TP53BP2: variants seen among roughly 807,000 people sequenced by gnomAD.
TP53BP2 encodes the protein tumor protein p53 binding protein 2, also known as apoptosis-stimulating of p53 protein 2.
In TP53BP2, 62 loss-of-function variants were observed where a neutral mutation model predicts 126.2. The observed-to-expected ratio is 0.49, with a 90% CI of 0.40 to 0.61. The LOEUF (loss-of-function observed/expected upper bound fraction) is 0.61. Among genes scored for constraint, TP53BP2 ranks in the 20% least tolerant of loss-of-function variants. The probability of loss-of-function intolerance (pLI) is 0.00; values close to 1 mark genes in which losing one functional copy is unlikely to be tolerated. For synonymous variants in TP53BP2, 485 were observed against 502.9 expected (o/e 0.96, Z 0.48); for missense variants, 1,215 against 1,402.8 (o/e 0.87, Z 2.14).
chr1:223,792,276 C>T (rs1662178704), intron 15 of TP53BP2, 113 bp downstream of exon 15: 5 of 1,188,034 alleles, frequency 4.2e-6, no homozygotes, highest in Non-Finnish European at 3.5e-6. Flanking sequence ...AGATTACAAG[C>T]AGCTCAAGGA....
Position 223,795,906 on chromosome 1 carries a change from G to A in TP53BP2, c.2633C>T (p.Pro878Leu), listed in dbSNP as rs1190490521. 2 of 1,613,506 alleles carry A rather than the reference G, an allele frequency of 1.2e-6. No individual in the cohort carries two copies. Among genetic ancestry groups the A allele is most frequent in the Non-Finnish European group, 1.7e-6 (2 of 1,179,762 alleles). ...YLEEYPPYPPPPYPSGEPEGP... is the reference protein window; with the variant it reads ...YLEEYPPYPPLPYPSGEPEGP... ...TTCAGGCTCCCCAGATGGGTATGGTGGGGGTGGGTATGGAGGGTACTCCTC... is the reference window on the plus strand; with the variant it reads ...TTCAGGCTCCCCAGATGGGTATGGTAGGGGTGGGTATGGAGGGTACTCCTC... Residue 878 changes from proline (P) to leucine (L), a missense_variant, in exon 13 of 18, where the codon CCA becomes CTA. Transcript: ENST00000343537.
At chr1:223,781,023 G>A (rs537757768) in intron 17 of TP53BP2, 129 bp from the exon 18 acceptor site, 2 of 820,778 alleles carry the variant, frequency 2.4e-6, no homozygotes, top group South Asian at 3.5e-5. Context: ...AGCACTCTTT[G>A]TGGTGTGTGT....
chr1:223,793,386 T>A lies in TP53BP2; in HGVS notation c.2779A>T (p.Arg927Trp). 6.2e-7 allele frequency: 1 copy of A among 1,610,992 alleles called. No homozygotes were observed. The highest frequency in any genetic ancestry group is 8.5e-7 in the Non-Finnish European group (1 of 1,178,752). Residue 927 changes from arginine (R) to tryptophan (W), a missense_variant, in exon 14 of 18, where the codon AGG (arginine) becomes TGG (tryptophan). Arg to Trp is a moderately radical substitution (Grantham distance 101). This residue lies in a region of TP53BP2 where 204 missense variants were observed against 225.7 expected (regional missense o/e 0.90). Transcript: ENST00000343537. ...AAAGCAAGGGGGTTGAATTTCACCC[T>A]CATTCCATGAGCGATACGCTCTGAG... The part of the protein sequence containing the change: ...TGSERIAHGM[R>W]VKFNPLALLL...
rs374493095 is a variant in TP53BP2 at position 223,784,100 on chromosome 1, G to A, written c.3363+15C>T. 31 of 1,612,538 alleles carry A rather than the reference G, an allele frequency of 1.9e-5. No individual in the cohort carries two copies. Among genetic ancestry groups the A allele is most frequent in the East Asian group, 4.5e-5 (2 of 44,866 alleles). On this transcript the variant is annotated intron_variant, in intron 17 of 17. Transcript: ENST00000343537. Reference sequence around the variant, plus strand: ...TGGCACATATGAAAACACCGTAAGCGTCAGAATAACTTACTCCCAGCAAGT... The same window carrying A: ...TGGCACATATGAAAACACCGTAAGCATCAGAATAACTTACTCCCAGCAAGT...
At chr1:223,840,312 G>A (rs1213649742) in intron 1 of TP53BP2, among the ~76,000 whole-genome samples, 1 of 152,156 alleles carries the variant, frequency 6.6e-6, no homozygotes, top group Non-Finnish European at 1.5e-5. Flanking sequence ...TTCATACATA[G>A]TCACATCATC....
chr1:223,842,270 G>T (rs1296133461), intron 1 of TP53BP2, among the ~76,000 whole-genome samples: 1 of 152,090 alleles, frequency 6.6e-6, no homozygotes, highest in Non-Finnish European at 1.5e-5. Context: ...TCTATATAAG[G>T]GCTATATGAT....
intron 1 of TP53BP2, among the ~76,000 whole-genome samples, chr1:223,835,132 A>G (rs6604728): frequency 0.1 from 15,663 of 152,256 alleles, 905 homozygotes; most frequent in African/African-American, 0.16. Context: ...AGAACATGAC[A>G]AAGAGGATGT....
rs72749550 is a variant in TP53BP2 at position 223,800,603 on chromosome 1, G to A, written c.1336+97C>T. The A allele has an allele frequency of 1.6e-3, 1,463 of 912,240 alleles. 6 individuals carry two copies. Among genetic ancestry groups the A allele is most frequent in the Non-Finnish European group, 2.2e-3 (1,328 of 614,506 alleles). 56.5% of individuals were successfully genotyped at this position (912,240 alleles called of 1,614,324 possible). A position where few individuals can be genotyped will look rare whatever the true frequency, so the allele number is the denominator to read the frequency against. On this transcript the variant is annotated intron_variant, in intron 10 of 17. Transcript: ENST00000343537. Reference sequence around the variant, plus strand: ...CTGTCTTTAAAAAAAACAAAAAAAGGAAGAAAGAAAAGAGAAAATGGACTC... The same window carrying A: ...CTGTCTTTAAAAAAAACAAAAAAAGAAAGAAAGAAAAGAGAAAATGGACTC...
Position 223,796,688 on chromosome 1 carries a change from T to G in TP53BP2, c.1949-98A>C. The G allele has an allele frequency of 8.5e-7, 1 of 1,179,816 alleles. No homozygotes were observed. Among genetic ancestry groups the G allele is most frequent in the Non-Finnish European group, 1.2e-6 (1 of 852,262 alleles). The allele number at this position is 1,179,816 out of a possible 1,614,324, so 73.1% of individuals were successfully genotyped here. A position where few individuals can be genotyped will look rare whatever the true frequency, so the allele number is the denominator to read the frequency against. On this transcript the variant is annotated intron_variant, in intron 12 of 17. Coordinates refer to ENST00000343537, the MANE Select transcript of TP53BP2 (RefSeq NM_001031685.3). This position sits in a 1 kb window ranked among gnomAD's most constrained non-coding sequence, Gnocchi z 4.2. The stretch of plus-strand genomic sequence containing the variant: ...TAACAATAACTAAAGCCTCTTTTAA[T>G]TTCATAGTTGTTACTACATAATCCC...
At chr1:223,785,495 A>G (rs1661922219) in intron 16 of TP53BP2, among the ~76,000 whole-genome samples, 1 of 152,224 alleles carries the variant, frequency 6.6e-6, no homozygotes, top group South Asian at 2.1e-4. Flanking sequence ...AGTGTCTGAG[A>G]TGGGAATGAA....
chr1:223,811,196 C>T (rs1016945891), intron 3 of TP53BP2, among the ~76,000 whole-genome samples: 1 of 152,060 alleles, frequency 6.6e-6, no homozygotes, highest in Non-Finnish European at 1.5e-5. Context: ...CTTAATGTAT[C>T]ATAAAAGGAA....
At chr1:223,829,199 T>C (rs915515270) in intron 1 of TP53BP2, among the ~76,000 whole-genome samples, 39 of 152,132 alleles carry the variant, frequency 2.6e-4, no homozygotes, top group African/African-American at 8.9e-4. Context: ...CCAAGCATGG[T>C]AGCGTATACC....
intron 2 of TP53BP2, chr1:223,820,962 AC>A: frequency 1.9e-6 from 1 of 531,800 alleles, no homozygotes; most frequent in Non-Finnish European, 3.4e-6. Context: ...ACTGTTGAGC[AC>A]CATCCACTGG....
intron 15 of TP53BP2, among the ~76,000 whole-genome samples, chr1:223,789,722 GA>G (rs1302113725): frequency 2.0e-5 from 3 of 152,078 alleles, no homozygotes; most frequent in African/African-American, 7.2e-5. Flanking sequence ...ATTGAGACCA[GA>G]AAAGTGACTG....
chr1:223,793,891 G>C (rs1425839434), intron 13 of TP53BP2, among the ~76,000 whole-genome samples: 1 of 152,080 alleles, frequency 6.6e-6, no homozygotes, highest in South Asian at 2.1e-4. Context: ...AACCTATATT[G>C]AATGATTATT....
chr1:223,818,656 C>A (rs1400768882), intron 2 of TP53BP2, among the ~76,000 whole-genome samples: 2 of 150,746 alleles, frequency 1.3e-5, no homozygotes, highest in Non-Finnish European at 2.9e-5. Flanking sequence ...CTCATTGCAA[C>A]CTCTGCCTCC....
At chr1:223,802,505 C>T in intron 8 of TP53BP2, 161 bp from the exon 9 acceptor site, 1 of 841,180 alleles carries the variant, frequency 1.2e-6, no homozygotes, top group Non-Finnish European at 1.8e-6. Context: ...CCCCAATGAA[C>T]TCTCACCCAC....
intron 1 of TP53BP2, among the ~76,000 whole-genome samples, chr1:223,826,285 G>A (rs1663491769): frequency 6.6e-6 from 1 of 152,206 alleles, no homozygotes; most frequent in African/African-American, 2.4e-5. Flanking sequence ...TGTGGACAGA[G>A]GGTCGTTATT....
At chr1:223,844,171 C>A (rs1187030858) in intron 1 of TP53BP2, among the ~76,000 whole-genome samples, 1 of 152,150 alleles carries the variant, frequency 6.6e-6, no homozygotes, top group Non-Finnish European at 1.5e-5. Flanking sequence ...TCATACCACA[C>A]TGAGTCTGTG....
Sources: allele counts gnomAD v4.1 joint callset (sites outside exome capture counted in the v4.1 genomes callset), GRCh38; gene constraint gnomAD v4.1.1; regional missense constraint gnomAD v4.1.1; non-coding constraint Gnocchi (gnomAD v3.1); transcripts MANE v1.5; gene names NCBI Gene and HGNC (gene_info 2026-07-23, HGNC 2026-07-21).